COTL1: variants seen among roughly 807,000 people sequenced by gnomAD.
COTL1 encodes coactosin like F-actin binding protein 1, also known as coactosin-like protein.
In COTL1, 15 loss-of-function variants were observed where a neutral mutation model predicts 16.5. The ratio of observed to expected loss-of-function variants is 0.91; its 90% CI spans 0.61 to 1.40. The LOEUF (loss-of-function observed/expected upper bound fraction) is 1.40, where lower values mean the gene tolerates loss of function less well. Among genes scored for constraint, COTL1 ranks in the 40% most tolerant of loss-of-function variants. COTL1 has a pLI of 0.00. For missense variants in COTL1, 220 were observed against 201.5 expected, an observed-to-expected ratio of 1.09 and a Z score of -0.56; for synonymous variants, 112 against 85.3, an observed-to-expected ratio of 1.31 and a Z score of -1.73.
rs147158574 is a variant in COTL1, at chr16:84,590,246, A to G, written c.177T>C (p.Phe59=). ...CCCCGGTGGTGAAGCGCACGAAGGC[A>G]AACAACCGGACGTCATCTGTGGCCA... ...IQQCTDDVRL[F]AFVRFTTGDA... The change falls in exon 3 of 4, where the codon TTT becomes TTC. Residue 59 remains phenylalanine, a synonymous_variant. Transcript: ENST00000262428. The surrounding 1 kb of genome is among the most constrained non-coding windows in gnomAD (Gnocchi z 5.5). 72 of 1,613,964 alleles carry G rather than the reference A, an allele frequency of 4.5e-5. No homozygotes were observed. The highest frequency in any genetic ancestry group is 5.3e-5 in the Non-Finnish European group (62 of 1,179,948).
At chr16:84,573,514 G>A (rs1264207099) in intron 3 of COTL1, among the ~76,000 whole-genome samples, 2 of 152,320 alleles carry the variant, frequency 1.3e-5, no homozygotes, top group East Asian at 1.9e-4. Context: ...CAGATGCAGT[G>A]GCTCATGCCC....
At chr16:84,596,299 T>C (rs1027270441) in intron 2 of COTL1, 1 of 152,220 alleles carries the variant, frequency 6.6e-6, no homozygotes, top group Non-Finnish European at 1.5e-5. Context: ...AATTCCAGAA[T>C]CCTTTAGAAA....
chr16:84,590,297 CG>C lies in COTL1; in HGVS notation c.161-36del. ...AAAGCGAAAAGAGAACATGGTGCTG[CG>C]TTAAAACACCCCCATGTCATGTCCC... On this transcript the variant is annotated intron_variant, in intron 2 of 3. Transcript: ENST00000262428. The surrounding 1 kb of genome is among the most constrained non-coding windows in gnomAD (Gnocchi z 5.5). The C allele has an allele frequency of 1.2e-6, 2 of 1,603,648 alleles. No homozygotes were observed. The highest frequency in any genetic ancestry group is 1.7e-6 in the Non-Finnish European group (2 of 1,172,394).
intron 2 of COTL1, among the ~76,000 whole-genome samples, chr16:84,593,631 C>T (rs1904926044): frequency 6.6e-6 from 1 of 151,988 alleles, no homozygotes. Flanking sequence ...CCTGCCTCAG[C>T]CCCCCGAGTA....
intron 2 of COTL1, chr16:84,595,729 T>C (rs943428486): frequency 1.3e-5 from 2 of 152,198 alleles, no homozygotes; most frequent in African/African-American, 2.4e-5. Context: ...GATATGTGTG[T>C]GCGTATATAT....
chr16:84,572,477 T>C (rs1415106101), intron 3 of COTL1, among the ~76,000 whole-genome samples: 2 of 152,172 alleles, frequency 1.3e-5, no homozygotes, highest in Non-Finnish European at 1.5e-5. Flanking sequence ...TTCTCTTTTT[T>C]TGAAACACAG....
chr16:84,602,208 TGG>T (rs35678493), intron 2 of COTL1, among the ~76,000 whole-genome samples: 1 of 146,018 alleles, frequency 6.8e-6, no homozygotes, highest in Non-Finnish European at 1.5e-5. Flanking sequence ...TCAATGGGGG[TGG>T]GGGGGGTGCC....
chr16:84,599,648 G>A (rs1465351935), intron 2 of COTL1, among the ~76,000 whole-genome samples: 1 of 152,188 alleles, frequency 6.6e-6, no homozygotes, highest in African/African-American at 2.4e-5. Context: ...GCCAAAGAAA[G>A]GGGGAAGGGG....
chr16:84,575,341 C>T (rs147314355), intron 3 of COTL1: 1 of 150,968 alleles, frequency 6.6e-6, no homozygotes, highest in Non-Finnish European at 1.5e-5. Context: ...CCCAGCCCAT[C>T]CTTTTCATTT....
chr16:84,617,465 C>A, intron 2 of COTL1, 36 bp downstream of exon 2: 3 of 1,542,060 alleles, frequency 1.9e-6, no homozygotes, highest in African/African-American at 1.4e-5. Flanking sequence ...AACCTCCCAA[C>A]GACCGCGCAT....
At chr16:84,577,879 G>A (rs998432049) in intron 3 of COTL1, among the ~76,000 whole-genome samples, 3 of 152,096 alleles carry the variant, frequency 2.0e-5, no homozygotes, top group African/African-American at 4.8e-5. Flanking sequence ...CTGTGACCCC[G>A]ACAGGGCCCC....
rs769900248 is a variant in COTL1, at chr16:84,590,263, C to G, written c.161-1G>C. 5 of 1,613,718 alleles carry G rather than the reference C, an allele frequency of 3.1e-6. No individual in the cohort carries two copies. The Admixed American group carries it at 8.3e-5, about 27-fold the overall frequency. Reference sequence around the variant, plus strand: ...ACGAAGGCAAACAACCGGACGTCATCTGTGGCCAAAAGCGAAAAGAGAACA... The same window carrying G: ...ACGAAGGCAAACAACCGGACGTCATGTGTGGCCAAAAGCGAAAAGAGAACA... On this transcript the variant is annotated splice_acceptor_variant, in intron 2 of 3. Coordinates refer to ENST00000262428, the MANE Select transcript of COTL1 (RefSeq NM_021149.5). LOFTEE classifies it high-confidence loss of function. The surrounding 1 kb of genome is among the most constrained non-coding windows in gnomAD (Gnocchi z 5.5).
chr16:84,602,118 C>T (rs2967874), intron 2 of COTL1, among the ~76,000 whole-genome samples: 16,308 of 151,876 alleles, frequency 0.11, 1,036 homozygotes, highest in East Asian at 0.22. Context: ...ACATACTTCC[C>T]GAATAAATGA....
chr16:84,591,464 G>A (rs1024762422), intron 2 of COTL1, among the ~76,000 whole-genome samples: 8 of 149,998 alleles, frequency 5.3e-5, no homozygotes, highest in South Asian at 4.2e-4. Context: ...GATTACAGGC[G>A]TGAGCCACCG....
At chr16:84,593,468 T>C (rs1904920193) in intron 2 of COTL1, among the ~76,000 whole-genome samples, 1 of 133,142 alleles carries the variant, frequency 7.5e-6, no homozygotes, top group African/African-American at 2.9e-5. Context: ...CACGTTCTTT[T>C]CTTTATTGAG....
chr16:84,574,952 T>C (rs1487094175), intron 3 of COTL1, among the ~76,000 whole-genome samples: 1 of 152,242 alleles, frequency 6.6e-6, no homozygotes, highest in East Asian at 1.9e-4. Flanking sequence ...ACAGGGGCTC[T>C]GTACAGAGTC....
In COTL1 at chr16:84,581,091, A is replaced by G. The variant is rs528368822; in HGVS notation, c.318+9014T>C. 2.6e-5 allele frequency among the ~76,000 whole-genome samples: 4 copies of G among 151,834 alleles called. No individual in the cohort carries two copies. The East Asian group carries it at 7.8e-4, about 29-fold the overall frequency. On this transcript the variant is annotated intron_variant, in intron 3 of 3. Coordinates refer to ENST00000262428, the MANE Select transcript of COTL1 (RefSeq NM_021149.5). ...CAGGAGACGGAGGCTGCAGTGAGCC[A>G]AGATGTCGCCACTGCACTCCAGCCT...
In COTL1 at chr16:84,581,397, A is replaced by C. The variant is rs183997503; in HGVS notation, c.318+8708T>G. On this transcript the variant is annotated intron_variant, in intron 3 of 3. Coordinates refer to ENST00000262428, the MANE Select transcript of COTL1 (RefSeq NM_021149.5). ...GATGGTCCGCAGAGTGCTAAGTGGT[A>C]ACTCATGCTTTGCAAGGGGGAGCAG... is the stretch of plus-strand genomic sequence containing the variant. Among the ~76,000 whole-genome samples the C allele has an allele frequency of 7.5e-4, 114 of 152,320 alleles. 1 individual carries two copies. The highest frequency in any genetic ancestry group is 1.4e-3 in the Non-Finnish European group (92 of 68,024).
In COTL1 at chr16:84,590,438, T is replaced by G. The variant is rs1904836477; in HGVS notation, c.161-176A>C. On this transcript the variant is annotated intron_variant, in intron 2 of 3. Transcript: ENST00000262428. The surrounding 1 kb of genome is among the most constrained non-coding windows in gnomAD (Gnocchi z 5.5). ...GAGGGAAGCACTCATCCGCTGCCCT[T>G]GTCACACTCCCCTGAATCCTGGCAA... 1.7e-6 allele frequency: 1 copy of G among 594,680 alleles called. No individual in the cohort carries two copies. Among genetic ancestry groups the G allele is most frequent in the Non-Finnish European group, 2.8e-6 (1 of 352,284 alleles). 36.8% of individuals were successfully genotyped at this position (594,680 alleles called of 1,614,324 possible).
Sources: allele counts gnomAD v4.1 joint callset (sites outside exome capture counted in the v4.1 genomes callset), GRCh38; gene constraint gnomAD v4.1.1; non-coding constraint Gnocchi (gnomAD v3.1); transcripts MANE v1.5; gene names NCBI Gene and HGNC (gene_info 2026-07-23, HGNC 2026-07-21).